Variants in TRPA1 observed in about 807,000 individuals in gnomAD.
TRPA1 encodes ankyrin-like with transmembrane domains 1.
Under a neutral mutation model 131.3 loss-of-function variants are expected in TRPA1, and 129 were observed. The ratio of observed to expected loss-of-function variants is 0.98; its 90% confidence interval spans 0.85 to 1.14. The LOEUF (loss-of-function observed/expected upper bound fraction) is 1.14, where lower values mean the gene tolerates loss of function less well. TRPA1 is among the 50% of genes most tolerant of loss of function. The pLI is 0.00. For missense variants in TRPA1, 1,304 were observed against 1,354.2 expected (o/e 0.96, Z 0.58); for synonymous variants, 441 against 451.7 (o/e 0.98, Z 0.30).
At chr8:72,073,788 A>G (rs912925534) in intron 1 of TRPA1, among the ~76,000 whole-genome samples, 4 of 152,226 alleles carry the variant, frequency 2.6e-5, no homozygotes, top group Non-Finnish European at 4.4e-5. Flanking sequence ...TTCTTCCTGT[A>G]CCATATTAAT....
At chr8:72,069,303 C>A in intron 2 of TRPA1, 105 bp from the exon 3 acceptor site, 1 of 1,131,956 alleles carries the variant, frequency 8.8e-7, no homozygotes, top group South Asian at 1.3e-5. Flanking sequence ...CAAATGAAAT[C>A]AGCTGCATCT....
chr8:72,077,824 C>T (rs1305940242), upstream of TRPA1, among the ~76,000 whole-genome samples: 1 of 151,988 alleles, frequency 6.6e-6, no homozygotes, highest in Non-Finnish European at 1.5e-5. Flanking sequence ...CAATCAAGAT[C>T]TTATTTCATT....
At chr8:72,036,526 C>T (rs990327452) in intron 20 of TRPA1, 69 bp from the exon 21 acceptor site, 5 of 1,411,768 alleles carry the variant, frequency 3.5e-6, no homozygotes, top group Non-Finnish European at 5.0e-6. Context: ...TATATACATG[C>T]ACCCCGTAAT....
intron 2 of TRPA1, among the ~76,000 whole-genome samples, chr8:72,070,085 A>G (rs1400786650): frequency 2.6e-5 from 4 of 152,238 alleles, no homozygotes; most frequent in African/African-American, 9.6e-5. Context: ...TTCATCCTGC[A>G]AAGTCCTATA....
At chr8:72,086,148 G>A in the TRPA1 span, among the ~76,000 whole-genome samples, 4 of 151,982 alleles carry the variant, frequency 2.6e-5, no homozygotes, top group East Asian at 1.9e-4. Context: ...TGATCCACCC[G>A]CCTCAGCCTC....
intron 24 of TRPA1, among the ~76,000 whole-genome samples, chr8:72,027,698 A>G (rs1451172816): frequency 6.6e-6 from 1 of 152,152 alleles, no homozygotes; most frequent in Non-Finnish European, 1.5e-5. Context: ...AATGTGTGCT[A>G]CTTGTCCAGT....
intron 26 of TRPA1, 81 bp from the exon 27 acceptor site, chr8:72,023,197 ACCT>A (rs1811458711): frequency 2.3e-6 from 1 of 437,174 alleles, no homozygotes; most frequent in East Asian, 5.3e-4. Flanking sequence ...ATAGGTTTTA[ACCT>A]CGGTCCCTTC....
chr8:72,057,124 C>A, intron 9 of TRPA1, 107 bp from the exon 10 acceptor site: 1 of 839,220 alleles, frequency 1.2e-6, no homozygotes. Flanking sequence ...ATATTGTCGA[C>A]CTTTAGTTTA....
At chr8:72,042,220 AC>A (rs1229089728) in intron 17 of TRPA1, among the ~76,000 whole-genome samples, 1 of 151,970 alleles carries the variant, frequency 6.6e-6, no homozygotes, top group East Asian at 1.9e-4. Context: ...AACCCAATTG[AC>A]AAATGGGTCA....
intron 17 of TRPA1, among the ~76,000 whole-genome samples, chr8:72,044,580 T>C (rs1812364702): frequency 6.6e-6 from 1 of 151,992 alleles, no homozygotes; most frequent in African/African-American, 2.4e-5. Flanking sequence ...ATCCAATGCA[T>C]TTGTAGCTAT....
intron 12 of TRPA1, chr8:72,054,244 G>A: frequency 4.0e-6 from 1 of 252,498 alleles, no homozygotes; most frequent in Non-Finnish European, 7.7e-6. Context: ...AATGAACACT[G>A]TATCAAAATT....
At chr8:72,065,913 GC>G (rs1478095227) in intron 3 of TRPA1, among the ~76,000 whole-genome samples, 1 of 152,130 alleles carries the variant, frequency 6.6e-6, no homozygotes, top group Non-Finnish European at 1.5e-5. Context: ...AATTTGTGGA[GC>G]CATTAGAAAG....
At chr8:72,081,972 T>C in the TRPA1 span, among the ~76,000 whole-genome samples, 2 of 151,928 alleles carry the variant, frequency 1.3e-5, no homozygotes, top group Non-Finnish European at 1.5e-5. Context: ...CATTATATCA[T>C]TGACATTTAA....
At chr8:72,062,667 T>C (rs1805834570) in intron 6 of TRPA1, 132 bp downstream of exon 6, 19 of 974,586 alleles carry the variant, frequency 1.9e-5, no homozygotes, top group Non-Finnish European at 2.8e-5. Context: ...GTTCTGCTTC[T>C]GCAGAAGCAG....
In TRPA1 at chr8:72,069,222, G is replaced by T. The variant is rs548502365; in HGVS notation, c.269-24C>A. 6 of 1,613,488 alleles carry T rather than the reference G, an allele frequency of 3.7e-6. No homozygotes were observed. The African/African-American group carries it at 4.0e-5, about 11-fold the overall frequency. On this transcript the variant is annotated intron_variant, in intron 2 of 26. Transcript: ENST00000262209. ...CACTAGAAAAAGAAACCAGAATATG[G>T]ATTAAATTTTGCTTAGACTGTATTC...
chr8:72,060,720 A>G (rs1805787556), intron 7 of TRPA1, among the ~76,000 whole-genome samples: 1 of 152,024 alleles, frequency 6.6e-6, no homozygotes. Flanking sequence ...GTAGTTTTTT[A>G]CTAGTTTTAT....
intron 4 of TRPA1, among the ~76,000 whole-genome samples, chr8:72,064,455 T>C (rs1805882513): frequency 6.6e-6 from 1 of 152,054 alleles, no homozygotes; most frequent in South Asian, 2.1e-4. Flanking sequence ...TACTTTTCTT[T>C]ATTCCAATTT....
At chr8:72,057,920 T>C in intron 8 of TRPA1, 104 bp from the exon 9 acceptor site, 1 of 870,430 alleles carries the variant, frequency 1.1e-6, no homozygotes, top group Non-Finnish European at 1.9e-6. Context: ...AGTGTCTATA[T>C]TATGGCTAGC....
At chr8:72,082,015 ATTTG>A in the TRPA1 span, among the ~76,000 whole-genome samples, 1,980 of 151,922 alleles carry the variant, frequency 0.013, 49 homozygotes, top group African/African-American at 0.044. Flanking sequence ...CCATTTTAAT[ATTTG>A]TTTGTTTGTA....
Sources: allele counts gnomAD v4.1 joint callset (sites outside exome capture counted in the v4.1 genomes callset), GRCh38; gene constraint gnomAD v4.1.1; transcripts MANE v1.5; gene names NCBI Gene and HGNC (gene_info 2026-07-23, HGNC 2026-07-21).